Variants in ANKS1B observed in about 807,000 individuals in gnomAD.
ANKS1B encodes the protein ankyrin repeat and sterile alpha motif domain-containing protein 1B.
A neutral mutation model predicts 148.3 loss-of-function variants in ANKS1B; 36 were observed. That is an observed-to-expected ratio of 0.24 (90% confidence interval 0.19 to 0.32). The LOEUF is 0.32. Ranked by LOEUF, ANKS1B falls within the 10% of genes least tolerant of loss-of-function variation. The probability of loss-of-function intolerance (pLI) is 1.00; values close to 1 mark genes in which losing one functional copy is unlikely to be tolerated. For missense variants in ANKS1B, 1,157 were observed against 1,542.6 expected (o/e 0.75, Z 4.19); for synonymous variants, 542 against 560.8 (o/e 0.97, Z 0.47).
chr12:99,932,563 T>C (rs909825131), intron 1 of ANKS1B, among the ~76,000 whole-genome samples: 1 of 152,214 alleles, frequency 6.6e-6, no homozygotes, highest in Non-Finnish European at 1.5e-5. Context: ...GTCTGCCATT[T>C]GTATGTCTTC....
chr12:99,663,146 G>A (rs956739288), intron 8 of ANKS1B, among the ~76,000 whole-genome samples: 5 of 152,064 alleles, frequency 3.3e-5, no homozygotes, highest in African/African-American at 1.2e-4. Context: ...AGAAGAAAAC[G>A]TGAGGTGTTA....
At chr12:98,892,050 T>C (rs1262798438) in intron 17 of ANKS1B, among the ~76,000 whole-genome samples, 1 of 152,250 alleles carries the variant, frequency 6.6e-6, no homozygotes, top group South Asian at 2.1e-4. Flanking sequence ...GCAGATCTTC[T>C]AATTAATTTT....
At chr12:99,404,424 A>G (rs1567037066) in intron 11 of ANKS1B, among the ~76,000 whole-genome samples, 1 of 145,996 alleles carries the variant, frequency 6.8e-6, no homozygotes, top group East Asian at 1.9e-4. Context: ...TCAGAATCCT[A>G]TCAGATAAAT....
intron 9 of ANKS1B, among the ~76,000 whole-genome samples, chr12:99,609,598 A>G (rs200405849): frequency 1.3e-5 from 2 of 151,926 alleles, no homozygotes; most frequent in East Asian, 3.9e-4. Flanking sequence ...GAGAGCATTC[A>G]GGGACCTCAT....
At chr12:98,943,310 G>A (rs2099839981) in intron 17 of ANKS1B, among the ~76,000 whole-genome samples, 1 of 152,176 alleles carries the variant, frequency 6.6e-6, no homozygotes, top group Non-Finnish European at 1.5e-5. Context: ...CTTTGTATTT[G>A]CAATGTATGA....
intron 17 of ANKS1B, among the ~76,000 whole-genome samples, chr12:98,881,462 A>G (rs1457852125): frequency 1.3e-5 from 2 of 152,178 alleles, no homozygotes; most frequent in Admixed American, 6.5e-5. Flanking sequence ...TGACAGGATT[A>G]TCTTGCATTC....
intron 12 of ANKS1B, among the ~76,000 whole-genome samples, chr12:99,268,023 G>A (rs1013649315): frequency 1.3e-5 from 2 of 152,156 alleles, no homozygotes; most frequent in African/African-American, 4.8e-5. Flanking sequence ...GCATAAGTGG[G>A]ACTCAAACCC....
intron 17 of ANKS1B, among the ~76,000 whole-genome samples, chr12:98,887,617 AT>A (rs199963675): frequency 1.4e-4 from 21 of 149,344 alleles, no homozygotes; most frequent in African/African-American, 3.2e-4. Flanking sequence ...CAATAAAACC[AT>A]TTTTTTTTTG....
At chr12:98,951,491 C>G (rs1256387307) in intron 17 of ANKS1B, among the ~76,000 whole-genome samples, 1 of 152,170 alleles carries the variant, frequency 6.6e-6, no homozygotes, top group Non-Finnish European at 1.5e-5. Flanking sequence ...AGTTGAAGTC[C>G]TTTGCTTGTC....
intron 17 of ANKS1B, among the ~76,000 whole-genome samples, chr12:98,982,508 T>G (rs920623591): frequency 2.0e-5 from 3 of 152,236 alleles, no homozygotes; most frequent in Non-Finnish European, 2.9e-5. Flanking sequence ...CTTCCCTCCC[T>G]CTTAGAAATG....
At chr12:99,679,211 C>G (rs898359608) in intron 8 of ANKS1B, among the ~76,000 whole-genome samples, 3 of 152,146 alleles carry the variant, frequency 2.0e-5, no homozygotes, top group Non-Finnish European at 2.9e-5. Flanking sequence ...AAAAGCTCTC[C>G]TCATCTGAAG....
At chr12:99,837,237 A>G (rs984142718) in intron 1 of ANKS1B, among the ~76,000 whole-genome samples, 7 of 152,186 alleles carry the variant, frequency 4.6e-5, no homozygotes, top group African/African-American at 1.4e-4. Context: ...AGATTTTCCT[A>G]GAGCCTTCAG....
rs186626910 is a variant in ANKS1B at position 99,241,272 on chromosome 12, C to T, written c.2419+3070G>A. 2.0e-3 allele frequency among the ~76,000 whole-genome samples: 304 copies of T among 152,338 alleles called. 1 individual carries two copies. Among genetic ancestry groups the T allele is most frequent in the African/African-American group, 7.1e-3 (295 of 41,584 alleles). On this transcript the variant is annotated intron_variant, in intron 14 of 26. Coordinates refer to ENST00000683438, the MANE Select transcript of ANKS1B (RefSeq NM_001352186.2). ...CCATCAGAGAATACTATAAACACCT[C>T]TACGCAAATGAAGTAGAAAATCTAG...
rs35287842 is a variant in ANKS1B, at chr12:99,950,113, A to ATTT, written c.134+33988_134+33990dup. Among the ~76,000 whole-genome samples the ATTT allele has an allele frequency of 4.5e-4, 41 of 90,536 alleles. 2 individuals are homozygous for ATTT. Among genetic ancestry groups the ATTT allele is most frequent in the African/African-American group, 1.3e-3 (27 of 20,108 alleles). The allele number at this position is 90,536 out of a possible 152,430, so 59.4% of individuals were successfully genotyped here. On this transcript the variant is annotated intron_variant, in intron 1 of 26. Transcript: ENST00000683438. ...AGGTGCACGCCATCATGCTCAGTTA[A>ATTT]TTTTTTTTTTTTTTTTTTTTTTTTT...
chr12:99,694,127 T>A (rs935941322), intron 8 of ANKS1B, among the ~76,000 whole-genome samples: 1 of 149,648 alleles, frequency 6.7e-6, no homozygotes, highest in South Asian at 2.1e-4. Flanking sequence ...TAATTTTCTA[T>A]AAAAGCATTA....
chr12:99,946,286 T>G (rs536193937), intron 1 of ANKS1B, among the ~76,000 whole-genome samples: 1 of 152,298 alleles, frequency 6.6e-6, no homozygotes, highest in East Asian at 1.9e-4. Flanking sequence ...CTTTATCAGA[T>G]ATGTAAGCCT....
chr12:99,194,765 T>A (rs1470895765), intron 14 of ANKS1B, among the ~76,000 whole-genome samples: 1 of 152,194 alleles, frequency 6.6e-6, no homozygotes, highest in Admixed American at 6.5e-5. Context: ...TTTTTAAAGT[T>A]GTTATTTTTA....
chr12:99,822,883 T>G (rs1321326090), intron 2 of ANKS1B, among the ~76,000 whole-genome samples: 1 of 152,196 alleles, frequency 6.6e-6, no homozygotes, highest in East Asian at 1.9e-4. Context: ...CCACAGAGAC[T>G]GAACTAATTT....
At chr12:98,915,744 A>G (rs1264650443) in intron 17 of ANKS1B, among the ~76,000 whole-genome samples, 1 of 152,198 alleles carries the variant, frequency 6.6e-6, no homozygotes, top group African/African-American at 2.4e-5. Flanking sequence ...AATTCTCAAG[A>G]AAAATGTATG....
Sources: gnomAD v4.1 joint callset for allele counts (sites outside exome capture counted in the v4.1 genomes callset) on GRCh38, gnomAD v4.1.1 for gene constraint, MANE v1.5 for transcripts, NCBI Gene and HGNC (gene_info 2026-07-23, HGNC 2026-07-21) for gene names.